The following MPPED2 variants were observed in gnomAD, a reference collection of about 807,000 sequenced individuals.
MPPED2 encodes the protein metallophosphoesterase MPPED2.
Under a neutral mutation model 33.0 loss-of-function variants are expected in MPPED2, and 5 were observed. That is an observed-to-expected ratio of 0.15 (90% CI 0.08 to 0.32). MPPED2 has a LOEUF of 0.32. Ranked by LOEUF, MPPED2 falls within the 10% of genes least tolerant of loss-of-function variation. The probability of loss-of-function intolerance (pLI) is 1.00; values close to 1 mark genes in which losing one functional copy is unlikely to be tolerated. For synonymous variants in MPPED2, 136 were observed against 141.9 expected (o/e 0.96, Z 0.29); for missense variants, 275 against 372.1 (o/e 0.74, Z 2.15).
intron 3 of MPPED2, among the ~76,000 whole-genome samples, chr11:30,504,331 A>G (rs1214602840): frequency 6.6e-6 from 1 of 152,166 alleles, no homozygotes; most frequent in African/African-American, 2.4e-5. Flanking sequence ...AGATGAAAGG[A>G]AAAAAGTAAT....
intron 4 of MPPED2, among the ~76,000 whole-genome samples, chr11:30,423,075 C>A (rs1365218425): frequency 6.6e-6 from 1 of 152,158 alleles, no homozygotes; most frequent in African/African-American, 2.4e-5. Context: ...AGGACGAAAT[C>A]GCTGAAAAGG....
At chr11:30,540,118 T>C (rs971407972) in intron 2 of MPPED2, among the ~76,000 whole-genome samples, 2 of 152,244 alleles carry the variant, frequency 1.3e-5, no homozygotes, top group African/African-American at 2.4e-5. Context: ...AGGTCAGTCA[T>C]TGGCTTTGGG....
intron 6 of MPPED2, among the ~76,000 whole-genome samples, chr11:30,390,835 C>G (rs1453391722): frequency 1.3e-5 from 2 of 152,150 alleles, no homozygotes; most frequent in African/African-American, 4.8e-5. Context: ...TACCTGTTGG[C>G]TAAGGCACCT....
intron 2 of MPPED2, 151 bp from the exon 3 acceptor site, chr11:30,536,326 G>T (rs915199501): frequency 4.9e-5 from 30 of 614,038 alleles, no homozygotes; most frequent in Middle Eastern, 4.8e-4. Context: ...GACACTTCTG[G>T]GTGTAACAGA....
exon 7 of MPPED2, chr11:30,386,953 C>T (rs571139067): frequency 7.9e-5 from 31 of 391,994 alleles, no homozygotes; most frequent in South Asian, 1.4e-4. Flanking sequence ...ACCACAGTCC[C>T]GCAAAGTAAG....
intron 1 of MPPED2, among the ~76,000 whole-genome samples, chr11:30,582,609 C>T (rs1180650391): frequency 6.6e-6 from 1 of 152,150 alleles, no homozygotes; most frequent in African/African-American, 2.4e-5. Context: ...AATATACATA[C>T]CTAATATTTA....
At chr11:30,472,322 T>C (rs1950985242) in intron 4 of MPPED2, among the ~76,000 whole-genome samples, 1 of 151,930 alleles carries the variant, frequency 6.6e-6, no homozygotes, top group Non-Finnish European at 1.5e-5. Context: ...GGTGGTGCCA[T>C]AGCGCTCCAG....
chr11:30,540,061 T>C (rs1033231743), intron 2 of MPPED2, among the ~76,000 whole-genome samples: 1 of 152,224 alleles, frequency 6.6e-6, no homozygotes, highest in Non-Finnish European at 1.5e-5. Flanking sequence ...AAGCTGAGCA[T>C]GGTCCAAAGA....
intron 3 of MPPED2, among the ~76,000 whole-genome samples, chr11:30,530,438 G>A (rs1049532816): frequency 2.2e-4 from 33 of 152,208 alleles, no homozygotes; most frequent in African/African-American, 7.5e-4. Flanking sequence ...CTGTCTGGTA[G>A]GGCAGAGAAA....
In MPPED2 at chr11:30,414,315, G is replaced by C. The variant is rs1948244291; in HGVS notation, c.679C>G (p.Leu227Val). 6.2e-7 allele frequency: 1 copy of C among 1,613,718 alleles called. No homozygotes were observed. Among genetic ancestry groups the C allele is most frequent in the African/African-American group, 1.3e-5 (1 of 74,886 alleles). Residue 227 changes from leucine to valine, a missense_variant, in exon 6 of 7, where the codon CTT becomes GTT. Physicochemically the swap from Leu to Val is conservative, Grantham distance 32. Coordinates refer to ENST00000358117, the MANE Select transcript of MPPED2 (RefSeq NM_001584.3). Reference sequence around the variant, plus strand: ...AGCTCCACACAGCCCACTCTTTGAAGCTCCTTTGGAACCCAGTCTCGAAAA... The same window carrying C: ...AGCTCCACACAGCCCACTCTTTGAACCTCCTTTGGAACCCAGTCTCGAAAA... ...LGFRDWVPKE[L>V]QRVGCVELLN...
At chr11:30,465,675 T>C (rs1253055084) in intron 4 of MPPED2, among the ~76,000 whole-genome samples, 1 of 152,216 alleles carries the variant, frequency 6.6e-6, no homozygotes, top group Non-Finnish European at 1.5e-5. Context: ...CCCTAATTTG[T>C]GACCTTTGGT....
At chr11:30,465,790 C>A (rs1462378592) in intron 4 of MPPED2, among the ~76,000 whole-genome samples, 1 of 152,120 alleles carries the variant, frequency 6.6e-6, no homozygotes, top group Non-Finnish European at 1.5e-5. Flanking sequence ...CAACCACACA[C>A]AGACTGAGAA....
chr11:30,542,649 A>T (rs1007243462), intron 2 of MPPED2, among the ~76,000 whole-genome samples: 2 of 151,922 alleles, frequency 1.3e-5, no homozygotes, highest in African/African-American at 4.8e-5. Flanking sequence ...AATAAAAATA[A>T]AATAAAATAA....
At chr11:30,579,831 A>G (rs1474061404) in intron 2 of MPPED2, among the ~76,000 whole-genome samples, 1 of 130,700 alleles carries the variant, frequency 7.7e-6, no homozygotes, top group African/African-American at 3.7e-5. Context: ...GGTGTGGGAA[A>G]AAAAAAAAAA....
chr11:30,420,211 G>A (rs1948551245), intron 4 of MPPED2, among the ~76,000 whole-genome samples: 1 of 152,228 alleles, frequency 6.6e-6, no homozygotes, highest in Non-Finnish European at 1.5e-5. Flanking sequence ...AAAACTGGAA[G>A]AGGGAGGTAG....
At chr11:30,509,873 C>T (rs762519910) in intron 3 of MPPED2, among the ~76,000 whole-genome samples, 6 of 152,188 alleles carry the variant, frequency 3.9e-5, no homozygotes, top group Non-Finnish European at 7.4e-5. Flanking sequence ...GACTTAGTTG[C>T]AATTCAGAAC....
At chr11:30,521,750 C>T (rs1252630218) in intron 3 of MPPED2, among the ~76,000 whole-genome samples, 5 of 152,154 alleles carry the variant, frequency 3.3e-5, no homozygotes, top group East Asian at 3.9e-4. Flanking sequence ...GTCGTTTCCA[C>T]GTGGCTACTA....
At chr11:30,554,098 GA>G (rs1955850992) in intron 2 of MPPED2, among the ~76,000 whole-genome samples, 1 of 152,148 alleles carries the variant, frequency 6.6e-6, no homozygotes, top group Non-Finnish European at 1.5e-5. Flanking sequence ...GGTACTTTGT[GA>G]ATTTCTCAGC....
chr11:30,578,417 C>T (rs905162824), intron 2 of MPPED2, among the ~76,000 whole-genome samples: 3 of 152,142 alleles, frequency 2.0e-5, no homozygotes, highest in African/African-American at 7.2e-5. Flanking sequence ...GTCTAGGTTG[C>T]CCCATTTTCA....
Sources: gnomAD v4.1 joint callset for allele counts (sites outside exome capture counted in the v4.1 genomes callset) on GRCh38, gnomAD v4.1.1 for gene constraint, MANE v1.5 for transcripts, NCBI Gene and HGNC (gene_info 2026-07-23, HGNC 2026-07-21) for gene names.